The following PDE3B variants were observed in gnomAD, a reference collection of about 807,000 sequenced individuals.
PDE3B encodes cGMP-inhibited 3',5'-cyclic phosphodiesterase 3B.
Under a neutral mutation model 116.8 loss-of-function variants are expected in PDE3B, and 66 were observed. That is an observed-to-expected ratio of 0.56 (90% CI 0.46 to 0.69). The LOEUF (loss-of-function observed/expected upper bound fraction) is 0.69. Among genes scored for constraint, PDE3B ranks in the 30% least tolerant of loss-of-function variants. The pLI is 0.00. For missense variants in PDE3B, 1,384 were observed against 1,368.1 expected, an observed-to-expected ratio of 1.01 and a Z score of -0.18; for synonymous variants, 595 against 533.6, an observed-to-expected ratio of 1.12 and a Z score of -1.59.
At chr11:14,764,117 G>A (rs1451703467) in intron 1 of PDE3B, among the ~76,000 whole-genome samples, 4 of 152,112 alleles carry the variant, frequency 2.6e-5, no homozygotes, top group African/African-American at 9.7e-5. Flanking sequence ...AGGCAAGAGT[G>A]GACATGGTGT....
At chr11:14,781,881 TGCAG>T (rs1171378486) in intron 2 of PDE3B, among the ~76,000 whole-genome samples, 1 of 152,214 alleles carries the variant, frequency 6.6e-6, no homozygotes, top group African/African-American at 2.4e-5. Flanking sequence ...TGTCCCTGTT[TGCAG>T]ATGACATGAT....
the PDE3B span, among the ~76,000 whole-genome samples, chr11:14,889,135 A>C: frequency 1.3e-5 from 2 of 151,364 alleles, no homozygotes; most frequent in African/African-American, 4.8e-5. Context: ...ACTTGAAGTG[A>C]CTGTCCTAAG....
chr11:14,810,154 T>G (rs1001978543), intron 5 of PDE3B, among the ~76,000 whole-genome samples: 17 of 152,114 alleles, frequency 1.1e-4, no homozygotes, highest in Admixed American at 9.2e-4. Context: ...TAAAAGTTGA[T>G]AACATTTTTT....
the PDE3B span, chr11:14,890,436 A>G: frequency 1.0e-6 from 1 of 979,196 alleles, no homozygotes; most frequent in Non-Finnish European, 1.2e-6. Context: ...ACATACCTTT[A>G]TTATCTCGTC....
chr11:14,769,536 G>A (rs1857580325), intron 1 of PDE3B, among the ~76,000 whole-genome samples: 1 of 149,860 alleles, frequency 6.7e-6, no homozygotes, highest in South Asian at 2.1e-4. Flanking sequence ...TAAGCAAGCA[G>A]CAGGACTACT....
At chr11:14,782,794 A>G (rs1238172130) in intron 2 of PDE3B, among the ~76,000 whole-genome samples, 1 of 152,242 alleles carries the variant, frequency 6.6e-6, no homozygotes, top group African/African-American at 2.4e-5. Context: ...TCTGCACAGC[A>G]AAAGAAACTA....
rs1457515284 is a variant in PDE3B at position 14,871,852 on chromosome 11, TCTTA to T, written c.*2196_*2199del. 1.3e-5 allele frequency: 2 copies of T among 152,084 alleles called. No homozygotes were observed. The highest frequency in any genetic ancestry group is 2.4e-5 in the African/African-American group (1 of 41,378). 9.4% of individuals were successfully genotyped at this position (152,084 alleles called of 1,614,324 possible). A position where few individuals can be genotyped will look rare whatever the true frequency, so the allele number is the denominator to read the frequency against. The stretch of plus-strand genomic sequence containing the variant: ...ATGCACACTGTACCATTAGATGAAA[TCTTA>T]CTTGAGAAATTGCCATAAGCCATAT... On this transcript the variant is annotated 3_prime_UTR_variant, in exon 16 of 16. Transcript: ENST00000282096.
rs549024279 is a variant in PDE3B at position 14,740,591 on chromosome 11, C to T, written c.979-31346C>T. On this transcript the variant is annotated intron_variant, in intron 1 of 15. Transcript: ENST00000282096. ...TGATTTTTTGAAAGATTTTTTGTGT[C>T]TCTATCTCCTTCAGTTCTGCTCTGA... Among the ~76,000 whole-genome samples, 12 of 152,228 alleles carry T rather than the reference C, an allele frequency of 7.9e-5. No individual in the cohort carries two copies. In the South Asian group the frequency reaches 2.5e-3, roughly 32 times the overall value.
intron 1 of PDE3B, among the ~76,000 whole-genome samples, chr11:14,665,586 C>G (rs1451136786): frequency 6.6e-6 from 1 of 152,182 alleles, no homozygotes; most frequent in East Asian, 1.9e-4. Flanking sequence ...GATACAAAGT[C>G]AATGTACAAA....
chr11:14,738,751 T>G (rs1325969155), intron 1 of PDE3B, among the ~76,000 whole-genome samples: 1 of 152,244 alleles, frequency 6.6e-6, no homozygotes, highest in Non-Finnish European at 1.5e-5. Context: ...CGCTTAAGTC[T>G]TTAATCCATC....
intron 1 of PDE3B, among the ~76,000 whole-genome samples, chr11:14,711,832 C>T (rs910164348): frequency 6.6e-6 from 1 of 152,274 alleles, no homozygotes; most frequent in South Asian, 2.1e-4. Context: ...TTTGGTTAGT[C>T]TGGATAGGAG....
intron 7 of PDE3B, among the ~76,000 whole-genome samples, chr11:14,822,223 A>T (rs1258746510): frequency 2.6e-5 from 4 of 152,180 alleles, no homozygotes; most frequent in Non-Finnish European, 5.9e-5. Context: ...TTTACAAAAA[A>T]ACAAACAAAA....
chr11:14,743,111 G>A (rs531741242), intron 1 of PDE3B, among the ~76,000 whole-genome samples: 1 of 152,196 alleles, frequency 6.6e-6, no homozygotes, highest in Admixed American at 6.5e-5. Context: ...GAGATCTGCT[G>A]TTCTCTTCAG....
chr11:14,885,893 T>C, the PDE3B span: 1 of 1,613,612 alleles, frequency 6.2e-7, no homozygotes, highest in Non-Finnish European at 8.5e-7. Context: ...ACAGTTGATA[T>C]GCCTCCAAGA....
At chr11:14,858,292 C>T (rs782249872) in intron 12 of PDE3B, among the ~76,000 whole-genome samples, 13 of 151,866 alleles carry the variant, frequency 8.6e-5, no homozygotes, top group Non-Finnish European at 1.8e-4. Flanking sequence ...AATTACTATG[C>T]TTATTTAATA....
At chr11:14,801,068 G>A (rs1161068945) in intron 4 of PDE3B, among the ~76,000 whole-genome samples, 1 of 151,902 alleles carries the variant, frequency 6.6e-6, no homozygotes, top group Non-Finnish European at 1.5e-5. Flanking sequence ...TTTTTTCAAG[G>A]TTCTTAGCTT....
chr11:14,722,940 CTTAT>C (rs1398567463), intron 1 of PDE3B, among the ~76,000 whole-genome samples: 3 of 152,028 alleles, frequency 2.0e-5, no homozygotes, highest in Non-Finnish European at 2.9e-5. Context: ...ACCTTCAAAT[CTTAT>C]TTATGAAAGT....
the PDE3B span, among the ~76,000 whole-genome samples, chr11:14,883,298 A>G: frequency 2.0e-5 from 3 of 152,218 alleles, no homozygotes; most frequent in South Asian, 4.1e-4. Flanking sequence ...ACAAGGCTAC[A>G]CTAACCAAAA....
chr11:14,644,141 GC>G lies in PDE3B; in HGVS notation c.72del (p.Glu25ArgfsTer3). Reference protein sequence around the residue: ...SLQPPDGAGSPPESLRNGYVK... With the variant: ...SLQPPDGAGSXPESLRNGYVK... Reference sequence around the variant, plus strand: ...TGCAGCCGCCGGATGGGGCCGGCTCGCCCCCCGAGAGTCTGAGGAACGGCTA... The same window carrying G: ...TGCAGCCGCCGGATGGGGCCGGCTCGCCCCCGAGAGTCTGAGGAACGGCTA... On this transcript the variant is annotated frameshift_variant, in exon 1 of 16. Coordinates refer to ENST00000282096, the MANE Select transcript of PDE3B (RefSeq NM_000922.4). LOFTEE classifies it high-confidence loss of function. 4.4e-6 allele frequency: 7 copies of G among 1,587,004 alleles called. No homozygotes were observed. Among genetic ancestry groups the G allele is most frequent in the Non-Finnish European group, 4.3e-6 (5 of 1,174,942 alleles).
Sources: allele counts gnomAD v4.1 joint callset (sites outside exome capture counted in the v4.1 genomes callset), GRCh38; gene constraint gnomAD v4.1.1; transcripts MANE v1.5; gene names NCBI Gene and HGNC (gene_info 2026-07-23, HGNC 2026-07-21).